The following PCDHGB7 variants were observed in gnomAD, a reference collection of about 807,000 sequenced individuals.
PCDHGB7 encodes the protein protocadherin gamma-B7.
A neutral mutation model predicts 61.4 loss-of-function variants in PCDHGB7; 37 were observed. The observed-to-expected ratio is 0.60, with a 90% confidence interval of 0.46 to 0.79. PCDHGB7 has a LOEUF of 0.79. PCDHGB7 is among the 30% of genes least tolerant of loss of function. The pLI is 0.00. For missense variants in PCDHGB7, 1,166 were observed against 1,202.5 expected, an observed-to-expected ratio of 0.97 and a Z score of 0.45; for synonymous variants, 464 against 503.5, an observed-to-expected ratio of 0.92 and a Z score of 1.05.
In PCDHGB7 at chr5:141,476,141, G is replaced by A. The variant is rs1011341002; in HGVS notation, c.2416-18666G>A. On this transcript the variant is annotated intron_variant, in intron 1 of 3. Coordinates refer to ENST00000398594, the MANE Select transcript of PCDHGB7 (RefSeq NM_018927.4). This position sits in a 1 kb window ranked among gnomAD's most constrained non-coding sequence, Gnocchi z 7.6. ...GATGGTCCCAGAGGCCTGGAGGAGCGGACTGGTAAGCACCGGGAGGGTAGT... is the reference window on the plus strand; with the variant it reads ...GATGGTCCCAGAGGCCTGGAGGAGCAGACTGGTAAGCACCGGGAGGGTAGT... 5.6e-6 allele frequency: 9 copies of A among 1,609,928 alleles called. No homozygotes were observed. Among genetic ancestry groups the A allele is most frequent in the Non-Finnish European group, 7.6e-6 (9 of 1,178,880 alleles).
Position 141,487,322 on chromosome 5 carries a change from C to T in PCDHGB7, c.2416-7485C>T, listed in dbSNP as rs760334964. 7.4e-6 allele frequency: 12 copies of T among 1,614,134 alleles called. No homozygotes were observed. Among genetic ancestry groups the T allele is most frequent in the South Asian group, 3.3e-5 (3 of 91,082 alleles). ...CGTGGCACTACTCTCTAAGTGTCTT[C>T]GTGGGGCAGCCTGTGGAGTCACATG... On this transcript the variant is annotated intron_variant, in intron 1 of 3. Coordinates refer to ENST00000398594, the MANE Select transcript of PCDHGB7 (RefSeq NM_018927.4). The surrounding 1 kb of genome is among the most constrained non-coding windows in gnomAD (Gnocchi z 5.0).
intron 1 of PCDHGB7, chr5:141,478,139 G>A: frequency 6.2e-7 from 1 of 1,614,040 alleles, no homozygotes; most frequent in Non-Finnish European, 8.5e-7. Context: ...TGAAGCCCGA[G>A]CCGAGTTCCC....
At chr5:141,457,289 G>C (rs907200077) in intron 1 of PCDHGB7, among the ~76,000 whole-genome samples, 2 of 152,146 alleles carry the variant, frequency 1.3e-5, no homozygotes, top group African/African-American at 4.8e-5. Flanking sequence ...GAAGTTCCTT[G>C]GTTTTATTTT....
intron 2 of PCDHGB7, among the ~76,000 whole-genome samples, chr5:141,498,601 G>A (rs2099784606): frequency 6.6e-6 from 1 of 152,126 alleles, no homozygotes; most frequent in African/African-American, 2.4e-5. Flanking sequence ...CTTGGTTCAA[G>A]TTCAAGTCAG....
chr5:141,450,278 G>A (rs977381598), intron 1 of PCDHGB7, among the ~76,000 whole-genome samples: 1 of 152,026 alleles, frequency 6.6e-6, no homozygotes, highest in Non-Finnish European at 1.5e-5. Flanking sequence ...TCAGCTAAGT[G>A]CTGGGATTAC....
intron 1 of PCDHGB7, among the ~76,000 whole-genome samples, chr5:141,453,176 C>A (rs1225418058): frequency 6.6e-6 from 1 of 152,042 alleles, no homozygotes; most frequent in African/African-American, 2.4e-5. Flanking sequence ...TCCAGTGGTA[C>A]AATCACAGCT....
In PCDHGB7 at chr5:141,432,373, G is replaced by T; in HGVS notation, c.2415+12099G>T. ...TGAAAGTGATGGCGCGGGACAACGG[G>T]CACCCGCCCCTCAGCAGCAACGTGT... is the stretch of plus-strand genomic sequence containing the variant. On this transcript the variant is annotated intron_variant, in intron 1 of 3. Coordinates refer to ENST00000398594, the MANE Select transcript of PCDHGB7 (RefSeq NM_018927.4). This position sits in a 1 kb window ranked among gnomAD's most constrained non-coding sequence, Gnocchi z 6.0. The T allele has an allele frequency of 6.2e-7, 1 of 1,614,206 alleles. No homozygotes were observed. The highest frequency in any genetic ancestry group is 1.1e-5 in the South Asian group (1 of 91,082).
intron 3 of PCDHGB7, among the ~76,000 whole-genome samples, chr5:141,509,962 C>A (rs1186902807): frequency 2.0e-5 from 3 of 152,206 alleles, no homozygotes. Context: ...CGGGTATGGC[C>A]TTGGTCCTTC....
rs767018815 is a variant in PCDHGB7, at chr5:141,419,419, C to T, written c.1560C>T (p.Phe520=). The change falls in exon 1 of 4, where the codon TTC becomes TTT. Residue 520 remains phenylalanine, a synonymous_variant. Transcript: ENST00000398594. Reference sequence around the variant, plus strand: ...GGGTGGTGTTCGCGCAGCGCGCCTTCGACCACGAGCAGCTGCGCACCTTCG... The same window carrying T: ...GGGTGGTGTTCGCGCAGCGCGCCTTTGACCACGAGCAGCTGCGCACCTTCG... ...QSGVVFAQRA[F]DHEQLRTFEL... is the part of the protein sequence containing the mutation. 1 of 1,613,266 alleles carries T rather than the reference C, an allele frequency of 6.2e-7. No homozygotes were observed. The highest frequency in any genetic ancestry group is 8.5e-7 in the Non-Finnish European group (1 of 1,179,886).
chr5:141,469,802 C>T (rs2099211446), intron 1 of PCDHGB7, among the ~76,000 whole-genome samples: 1 of 152,022 alleles, frequency 6.6e-6, no homozygotes, highest in Admixed American at 6.6e-5. Flanking sequence ...ATTGCAAAAA[C>T]ATTGTAGATA....
rs774079222 is a variant in PCDHGB7, at chr5:141,491,314, C to G, written c.2416-3493C>G. On this transcript the variant is annotated intron_variant, in intron 1 of 3. Transcript: ENST00000398594. The surrounding 1 kb of genome is among the most constrained non-coding windows in gnomAD (Gnocchi z 6.9). ...CCCTCCTGAGCGTTCAGACCTTACC[C>G]TTTACCTCATTGTGGCTCTAGCGAC... is the stretch of plus-strand genomic sequence containing the variant. 6 of 1,614,064 alleles carry G rather than the reference C, an allele frequency of 3.7e-6. No individual in the cohort carries two copies. In the South Asian group the frequency reaches 5.5e-5, roughly 15 times the overall value.
intron 1 of PCDHGB7, chr5:141,422,641 A>G (rs557969590): frequency 1.2e-6 from 2 of 1,612,356 alleles, no homozygotes; most frequent in Admixed American, 1.7e-5. Context: ...GGGTGCCTCC[A>G]TCTTCTCAGT....
chr5:141,509,421 A>T (rs939726886), intron 3 of PCDHGB7, among the ~76,000 whole-genome samples: 5 of 152,088 alleles, frequency 3.3e-5, no homozygotes, highest in Non-Finnish European at 1.5e-5. Context: ...AGCCCCAATG[A>T]GTCAAACTCT....
intron 3 of PCDHGB7, 133 bp downstream of exon 3, chr5:141,505,614 AC>A: frequency 6.6e-7 from 1 of 1,510,758 alleles, no homozygotes; most frequent in Non-Finnish European, 8.9e-7. Flanking sequence ...GTCTGAAAGG[AC>A]CCACAATTCC....
At chr5:141,456,788 C>A (rs2098888156) in intron 1 of PCDHGB7, among the ~76,000 whole-genome samples, 1 of 152,088 alleles carries the variant, frequency 6.6e-6, no homozygotes, top group Admixed American at 6.5e-5. Flanking sequence ...CATGGCAAAA[C>A]CCCATCTCTA....
intron 1 of PCDHGB7, among the ~76,000 whole-genome samples, chr5:141,443,505 A>G (rs553893860): frequency 4.4e-4 from 67 of 152,222 alleles, no homozygotes; most frequent in African/African-American, 1.4e-3. Context: ...AAACAAATAA[A>G]GAGCTTCTCT....
intron 1 of PCDHGB7, among the ~76,000 whole-genome samples, chr5:141,463,844 G>A (rs545618795): frequency 1.3e-5 from 2 of 152,258 alleles, no homozygotes; most frequent in East Asian, 3.9e-4. Context: ...AGTTGTTATA[G>A]TGGTATATCT....
intron 1 of PCDHGB7, among the ~76,000 whole-genome samples, chr5:141,437,250 G>T (rs1191184272): frequency 6.6e-6 from 1 of 152,102 alleles, no homozygotes; most frequent in African/African-American, 2.4e-5. Flanking sequence ...GACTTTCCTT[G>T]TCTTTTTATG....
rs1231591874 is a variant in PCDHGB7 at position 141,431,615 on chromosome 5, G to T, written c.2415+11341G>T. The T allele has an allele frequency of 3.1e-6, 5 of 1,614,118 alleles. No homozygotes were observed. Among genetic ancestry groups the T allele is most frequent in the African/African-American group, 2.7e-5 (2 of 74,950 alleles). On this transcript the variant is annotated intron_variant, in intron 1 of 3. Transcript: ENST00000398594. The surrounding 1 kb of genome is among the most constrained non-coding windows in gnomAD (Gnocchi z 4.8). Reference sequence around the variant, plus strand: ...GAGGTATTCCTTCCGGTATGTGGACGACAAGGCGGCCCAAGTTTTCAAACT... The same window carrying T: ...GAGGTATTCCTTCCGGTATGTGGACTACAAGGCGGCCCAAGTTTTCAAACT...
Sources: allele counts gnomAD v4.1 joint callset (sites outside exome capture counted in the v4.1 genomes callset), GRCh38; gene constraint gnomAD v4.1.1; non-coding constraint Gnocchi (gnomAD v3.1); transcripts MANE v1.5; gene names NCBI Gene and HGNC (gene_info 2026-07-23, HGNC 2026-07-21).